TBC1D1: variants seen among roughly 807,000 people sequenced by gnomAD.
The protein encoded by TBC1D1 is TBC1 (tre-2/USP6, BUB2, cdc16) domain family, member 1.
A neutral mutation model predicts 125.6 loss-of-function variants in TBC1D1; 89 were observed. That is an observed-to-expected ratio of 0.71 (90% CI 0.60 to 0.85). The LOEUF (loss-of-function observed/expected upper bound fraction) is 0.85. Among genes scored for constraint, TBC1D1 ranks in the 40% least tolerant of loss-of-function variants. TBC1D1 has a pLI of 0.00. For missense variants in TBC1D1, 1,377 were observed against 1,469.2 expected, an observed-to-expected ratio of 0.94 and a Z score of 1.03; for synonymous variants, 565 against 564.1, an observed-to-expected ratio of 1.00 and a Z score of -0.02.
intron 2 of TBC1D1, among the ~76,000 whole-genome samples, chr4:38,008,418 T>A (rs1456589445): frequency 6.6e-6 from 1 of 152,236 alleles, no homozygotes; most frequent in Non-Finnish European, 1.5e-5. Context: ...GAGTACAAAC[T>A]ATGTTTTGTG....
At chr4:38,011,363 AAAAAAG>A (rs1442672313) in intron 2 of TBC1D1, among the ~76,000 whole-genome samples, 5 of 151,922 alleles carry the variant, frequency 3.3e-5, no homozygotes, top group Non-Finnish European at 5.9e-5. Flanking sequence ...CAAAAAAAAA[AAAAAAG>A]AAAAAGAAAA....
At position 37,964,119 on chromosome 4, in the gene TBC1D1, C is replaced by T. The variant is rs572358277; in HGVS notation, c.418-50390C>T. Among the ~76,000 whole-genome samples the T allele has an allele frequency of 3.3e-5, 5 of 152,314 alleles. No homozygotes were observed. The South Asian group carries it at 1.0e-3, about 32-fold the overall frequency. ...TATAGCATCCCTGAGGACTGGAATG[C>T]AATAGATATTGAGTGGCTGAATGAA... is the stretch of plus-strand genomic sequence containing the variant. On this transcript the variant is annotated intron_variant, in intron 2 of 19. Transcript: ENST00000261439.
intron 2 of TBC1D1, among the ~76,000 whole-genome samples, chr4:37,926,054 C>T (rs1722042957): frequency 6.6e-6 from 1 of 152,202 alleles, no homozygotes; most frequent in Non-Finnish European, 1.5e-5. Context: ...TATGATTATC[C>T]ATCATCATTA....
chr4:38,094,883 CAAAAA>C (rs528226098), intron 13 of TBC1D1, among the ~76,000 whole-genome samples: 2 of 61,014 alleles, frequency 3.3e-5, no homozygotes, highest in South Asian at 4.9e-4. Context: ...AAATCACAGC[CAAAAA>C]AAAAAAAAAA....
rs536921443 is a variant in TBC1D1 at position 38,077,766 on chromosome 4, G to C, written c.2051-12166G>C. ...TCCCTTGTCTTCTGGATGTTCAAGC[G>C]ATTTTAATTAGATGTTGGGCTTTTA... On this transcript the variant is annotated intron_variant, in intron 12 of 19. Coordinates refer to ENST00000261439, the MANE Select transcript of TBC1D1 (RefSeq NM_015173.4). 3.3e-5 allele frequency among the ~76,000 whole-genome samples: 5 copies of C among 151,946 alleles called. No individual in the cohort carries two copies. In the East Asian group the frequency reaches 7.7e-4, roughly 23 times the overall value.
At chr4:38,102,963 C>G in intron 14 of TBC1D1, 36 bp from the exon 17 acceptor site, 1 of 1,591,200 alleles carries the variant, frequency 6.3e-7, no homozygotes, top group South Asian at 1.1e-5. Context: ...GTATTCTGTG[C>G]ATAAATTATT....
At chr4:38,052,167 C>CTGTGTGTGTG (rs58659939) in intron 11 of TBC1D1, 107 bp downstream of exon 12, 12,194 of 734,942 alleles carry the variant, frequency 0.017, 78 homozygotes, top group Middle Eastern at 0.02. Context: ...AGCAGAGCCA[C>CTGTGTGTGTG]TGTGTGTGTG....
intron 2 of TBC1D1, among the ~76,000 whole-genome samples, chr4:37,904,047 G>A (rs560179515): frequency 5.3e-5 from 8 of 152,248 alleles, no homozygotes; most frequent in Middle Eastern, 6.8e-3. Context: ...TCCTACTTCT[G>A]CACCCATAAA....
intron 2 of TBC1D1, among the ~76,000 whole-genome samples, chr4:37,941,076 T>G (rs1381508944): frequency 3.9e-5 from 6 of 152,222 alleles, no homozygotes; most frequent in African/African-American, 9.6e-5. Flanking sequence ...TTCTATTGAT[T>G]GGAATAATTT....
intron 2 of TBC1D1, among the ~76,000 whole-genome samples, chr4:37,997,841 C>T (rs1461083124): frequency 2.0e-5 from 3 of 151,400 alleles, no homozygotes; most frequent in South Asian, 2.1e-4. Context: ...GGTGGATGGG[C>T]GAGGGGATTA....
intron 15 of TBC1D1, among the ~76,000 whole-genome samples, chr4:38,104,321 A>T (rs768179616): frequency 2.9e-4 from 44 of 152,000 alleles, no homozygotes; most frequent in Non-Finnish European, 4.3e-4. Context: ...ACTGTATTGG[A>T]TAGATTTGCA....
chr4:38,118,556 A>C, intron 17 of TBC1D1: 1 of 180,718 alleles, frequency 5.5e-6, no homozygotes. Flanking sequence ...GTGAGTATTG[A>C]CTGATGCTGA....
intron 19 of TBC1D1, 143 bp from the exon 22 acceptor site, chr4:38,136,992 G>T: frequency 7.2e-7 from 1 of 1,385,312 alleles, no homozygotes; most frequent in South Asian, 1.3e-5. Flanking sequence ...TTCCTGTGTG[G>T]CCAGAACTGA....
intron 2 of TBC1D1, among the ~76,000 whole-genome samples, chr4:37,991,356 C>T (rs1056076782): frequency 2.0e-5 from 3 of 152,258 alleles, no homozygotes; most frequent in East Asian, 3.9e-4. Flanking sequence ...AGTACCTCTC[C>T]GCTGATCTGG....
chr4:37,931,772 G>A (rs570128090), intron 2 of TBC1D1, among the ~76,000 whole-genome samples: 9 of 152,154 alleles, frequency 5.9e-5, no homozygotes, highest in Admixed American at 2.6e-4. Context: ...CACTGCGCCC[G>A]GCCTTTCCAT....
chr4:37,895,110 C>T (rs995315889), intron 1 of TBC1D1, among the ~76,000 whole-genome samples: 8 of 152,300 alleles, frequency 5.3e-5, no homozygotes, highest in African/African-American at 1.9e-4. Context: ...GTTCAAATCC[C>T]GATTCTGCCA....
At chr4:37,945,873 T>C (rs1726596649) in intron 2 of TBC1D1, among the ~76,000 whole-genome samples, 1 of 152,226 alleles carries the variant, frequency 6.6e-6, no homozygotes. Flanking sequence ...TGAGTTGAGA[T>C]AATCTAGTTT....
chr4:38,008,665 C>G (rs768583063), intron 2 of TBC1D1, among the ~76,000 whole-genome samples: 1 of 152,172 alleles, frequency 6.6e-6, no homozygotes, highest in African/African-American at 2.4e-5. Flanking sequence ...AACAGGGACA[C>G]CTGATCACTC....
intron 7 of TBC1D1, among the ~76,000 whole-genome samples, chr4:38,032,182 G>C (rs1305330916): frequency 6.6e-6 from 1 of 152,158 alleles, no homozygotes; most frequent in Non-Finnish European, 1.5e-5. Flanking sequence ...AGCCAGGCAT[G>C]GTGGTGCGCA....
Sources: allele counts gnomAD v4.1 joint callset (sites outside exome capture counted in the v4.1 genomes callset), GRCh38; gene constraint gnomAD v4.1.1; transcripts MANE v1.5; gene names NCBI Gene and HGNC (gene_info 2026-07-23, HGNC 2026-07-21).